DPP6: variants seen among roughly 807,000 people sequenced by gnomAD.
DPP6 encodes the protein A-type potassium channel modulatory protein DPP6.
In DPP6, 69 loss-of-function variants were observed where a neutral mutation model predicts 122.6. That is an observed-to-expected ratio of 0.56 (90% CI 0.46 to 0.69). The LOEUF is 0.69. DPP6 is among the 30% of genes least tolerant of loss of function. The pLI is 0.00. For missense variants in DPP6, 928 were observed against 1,116.9 expected, an observed-to-expected ratio of 0.83 and a Z score of 2.41; for synonymous variants, 418 against 433.1, an observed-to-expected ratio of 0.97 and a Z score of 0.43.
chr7:153,858,643 T>G, the DPP6 span, among the ~76,000 whole-genome samples: 1 of 152,208 alleles, frequency 6.6e-6, no homozygotes, highest in Admixed American at 6.5e-5. Context: ...CAGCTTACTG[T>G]GTGAGCAATT....
chr7:154,150,820 A>G (rs1057179686), intron 1 of DPP6, among the ~76,000 whole-genome samples: 4 of 152,174 alleles, frequency 2.6e-5, no homozygotes, highest in African/African-American at 9.6e-5. Flanking sequence ...CTGGTGATTC[A>G]AGTTGGGAGA....
At chr7:154,203,712 A>G (rs1159170415) in intron 1 of DPP6, among the ~76,000 whole-genome samples, 1 of 152,206 alleles carries the variant, frequency 6.6e-6, no homozygotes, top group Non-Finnish European at 1.5e-5. Flanking sequence ...AGACACCTGG[A>G]AAGAGGCCTC....
intron 1 of DPP6, among the ~76,000 whole-genome samples, chr7:154,179,531 T>C (rs1345818100): frequency 6.6e-6 from 1 of 152,196 alleles, no homozygotes; most frequent in African/African-American, 2.4e-5. Flanking sequence ...TTCATGAATG[T>C]TGTCCCTGAG....
chr7:154,092,301 C>T (rs1405842907), intron 1 of DPP6: 1 of 152,186 alleles, frequency 6.6e-6, no homozygotes, highest in African/African-American at 2.4e-5. Context: ...AGAATCAGGA[C>T]ATTCACAGTT....
At chr7:153,889,326 G>T (rs186237676) in intron 1 of DPP6, among the ~76,000 whole-genome samples, 1 of 152,148 alleles carries the variant, frequency 6.6e-6, no homozygotes, top group Non-Finnish European at 1.5e-5. Flanking sequence ...GCATAAACAG[G>T]ATAGAAACGT....
At chr7:154,447,283 G>A (rs945082627) in intron 2 of DPP6, among the ~76,000 whole-genome samples, 3 of 152,108 alleles carry the variant, frequency 2.0e-5, no homozygotes, top group African/African-American at 7.2e-5. Context: ...TCCAGCCTGG[G>A]CAACAGAGCA....
In DPP6 at chr7:153,974,090, C is replaced by A. The variant is rs1177519529; in HGVS notation, c.51+86356C>A. Among the ~76,000 whole-genome samples, 4 of 152,178 alleles carry A rather than the reference C, an allele frequency of 2.6e-5. No individual in the cohort carries two copies. In the East Asian group the frequency reaches 7.7e-4, roughly 29 times the overall value. ...AGGATCGGGCACATTGGAGCCTGACCGTCTTAAAAAAGCCTTTCTTTATGA... is the reference window on the plus strand; with the variant it reads ...AGGATCGGGCACATTGGAGCCTGACAGTCTTAAAAAAGCCTTTCTTTATGA... On this transcript the variant is annotated intron_variant, in intron 1 of 25. Coordinates refer to the DPP6 transcript ENST00000404039.
chr7:154,365,662 T>C (rs1283013657), intron 1 of DPP6, among the ~76,000 whole-genome samples: 2 of 152,024 alleles, frequency 1.3e-5, no homozygotes, highest in African/African-American at 2.4e-5. Flanking sequence ...TTCTTAAAAG[T>C]GGGGAAGGGG....
At chr7:153,951,093 TAAAA>T (rs959374012) in intron 1 of DPP6, among the ~76,000 whole-genome samples, 4 of 136,948 alleles carry the variant, frequency 2.9e-5, no homozygotes, top group African/African-American at 1.1e-4. Context: ...AGGGAAGAAA[TAAAA>T]AAACCGGAGG....
intron 1 of DPP6, among the ~76,000 whole-genome samples, chr7:154,260,163 G>C (rs996234210): frequency 3.2e-4 from 49 of 152,298 alleles, no homozygotes; most frequent in African/African-American, 1.1e-3. Context: ...ACAAGTCTGT[G>C]GGGTGGGAGC....
At chr7:154,780,874 G>A (rs997992785) in intron 10 of DPP6, among the ~76,000 whole-genome samples, 3 of 152,166 alleles carry the variant, frequency 2.0e-5, no homozygotes, top group African/African-American at 4.8e-5. Flanking sequence ...TGGGTGGGTG[G>A]AGGGATGGAT....
At chr7:154,882,195 C>T (rs1049228561) in intron 21 of DPP6, among the ~76,000 whole-genome samples, 6 of 152,186 alleles carry the variant, frequency 3.9e-5, no homozygotes, top group Non-Finnish European at 7.3e-5. Context: ...GCAGTTGGTC[C>T]AGAAGCACAG....
chr7:154,778,158 T>C (rs1796700726), intron 10 of DPP6, among the ~76,000 whole-genome samples: 1 of 152,168 alleles, frequency 6.6e-6, no homozygotes, highest in Non-Finnish European at 1.5e-5. Flanking sequence ...TTTACATCAA[T>C]GGCATTGTGA....
At chr7:154,076,444 C>G (rs1803560193) in intron 1 of DPP6, among the ~76,000 whole-genome samples, 1 of 150,766 alleles carries the variant, frequency 6.6e-6, no homozygotes, top group Admixed American at 6.6e-5. Flanking sequence ...GGGCAAAACT[C>G]CATAACAAAA....
intron 10 of DPP6, among the ~76,000 whole-genome samples, chr7:154,775,219 C>A (rs1246541211): frequency 6.6e-6 from 1 of 152,170 alleles, no homozygotes; most frequent in Non-Finnish European, 1.5e-5. Context: ...GTTACTCAGC[C>A]TCCCTGCTTC....
At chr7:153,831,686 G>GT in the DPP6 span, among the ~76,000 whole-genome samples, 3 of 152,148 alleles carry the variant, frequency 2.0e-5, no homozygotes, top group Admixed American at 6.5e-5. Flanking sequence ...ACAAAATAAT[G>GT]TTTTTTTAAT....
At chr7:154,011,494 G>A (rs542700880) in intron 1 of DPP6, among the ~76,000 whole-genome samples, 28 of 152,204 alleles carry the variant, frequency 1.8e-4, no homozygotes, top group African/African-American at 6.7e-4. Context: ...ATTTTAAAGT[G>A]GGCTGTCAGA....
At chr7:154,154,442 C>A (rs1280888335) in intron 1 of DPP6, among the ~76,000 whole-genome samples, 1 of 152,194 alleles carries the variant, frequency 6.6e-6, no homozygotes, top group Non-Finnish European at 1.5e-5. Flanking sequence ...TCCTTCCCAC[C>A]TTTCCCATGT....
chr7:154,214,308 G>C (rs1799886024), intron 1 of DPP6, among the ~76,000 whole-genome samples: 1 of 152,222 alleles, frequency 6.6e-6, no homozygotes, highest in South Asian at 2.1e-4. Flanking sequence ...AGTGATGTAA[G>C]AAATGTGCTC....
Sources: allele counts gnomAD v4.1 joint callset (sites outside exome capture counted in the v4.1 genomes callset), GRCh38; gene constraint gnomAD v4.1.1; transcripts MANE v1.5; gene names NCBI Gene and HGNC (gene_info 2026-07-23, HGNC 2026-07-21).